The following COLEC10 variants were observed in gnomAD, a reference collection of about 807,000 sequenced individuals.
COLEC10 encodes the protein collectin subfamily member 10.
In COLEC10, 22 loss-of-function variants were observed where a neutral mutation model predicts 28.4. That is an observed-to-expected ratio of 0.78 (90% CI 0.55 to 1.11). The LOEUF (loss-of-function observed/expected upper bound fraction) is 1.11. Among genes scored for constraint, COLEC10 ranks in the 50% least tolerant of loss-of-function variants. The pLI is 0.00. For missense variants in COLEC10, 361 were observed against 344.1 expected, an observed-to-expected ratio of 1.05 and a Z score of -0.39; for synonymous variants, 125 against 116.1, an observed-to-expected ratio of 1.08 and a Z score of -0.49.
In COLEC10 at chr8:119,009,164, C is replaced by T. The variant is rs373978384; in HGVS notation, n.123-277C>T. Among the ~76,000 whole-genome samples, 69 of 150,858 alleles carry T rather than the reference C, an allele frequency of 4.6e-4. 4 individuals are homozygous for T. The highest frequency in any genetic ancestry group is 1.6e-3 in the African/African-American group (64 of 40,288). ...GGAGGAAGAGACCACTGGCCCATAC[C>T]ATTCTATGTATATCACCTCCCCTTA... On this transcript the variant is annotated intron_variant and non_coding_transcript_variant, in intron 1 of 6. Transcript: ENST00000521788.
intron 1 of COLEC10, among the ~76,000 whole-genome samples, chr8:119,002,870 G>C (rs1408804820): frequency 6.6e-6 from 1 of 152,004 alleles, no homozygotes; most frequent in Admixed American, 6.6e-5. Context: ...TCAAATCTTG[G>C]GTTTTTGAAA....
chr8:118,986,813 C>G, the COLEC10 span, among the ~76,000 whole-genome samples: 1 of 152,060 alleles, frequency 6.6e-6, no homozygotes, highest in Admixed American at 6.6e-5. Flanking sequence ...TTGTATGATT[C>G]AATGTACATG....
At chr8:118,982,416 C>T in the COLEC10 span, among the ~76,000 whole-genome samples, 1 of 152,040 alleles carries the variant, frequency 6.6e-6, no homozygotes, top group African/African-American at 2.4e-5. Flanking sequence ...GGTACAAATG[C>T]ACTTGTTCAT....
At chr8:118,999,911 T>G (rs116274902) in intron 1 of COLEC10, among the ~76,000 whole-genome samples, 93,063 of 151,634 alleles carry the variant, frequency 0.61, 29,700 homozygotes, top group African/African-American at 0.8. Flanking sequence ...TTTAAAGAGT[T>G]TTTTTGTAAA....
intron 1 of COLEC10, among the ~76,000 whole-genome samples, chr8:118,999,481 C>T (rs1299694756): frequency 6.6e-6 from 1 of 151,864 alleles, no homozygotes; most frequent in Non-Finnish European, 1.5e-5. Context: ...ATCCCAGCTA[C>T]TCAGGAGGCT....
chr8:119,012,679 C>T (rs1362975291), intron 2 of COLEC10, among the ~76,000 whole-genome samples: 1 of 150,436 alleles, frequency 6.6e-6, no homozygotes, highest in Non-Finnish European at 1.5e-5. Flanking sequence ...TTGTTTATTT[C>T]TTCTTGTGTG....
At chr8:119,049,250 T>C (rs1657642871) in intron 2 of COLEC10, among the ~76,000 whole-genome samples, 1 of 152,122 alleles carries the variant, frequency 6.6e-6, no homozygotes, top group South Asian at 2.1e-4. Flanking sequence ...GATCTTTCTC[T>C]CTAGCTGCCT....
the COLEC10 span, among the ~76,000 whole-genome samples, chr8:118,957,998 C>G: frequency 6.6e-6 from 1 of 152,140 alleles, no homozygotes; most frequent in Non-Finnish European, 1.5e-5. Flanking sequence ...GTCACACTGC[C>G]TGTGCTGAAG....
At chr8:119,090,334 G>T (rs1815564343) in intron 2 of COLEC10, among the ~76,000 whole-genome samples, 5 of 152,144 alleles carry the variant, frequency 3.3e-5, no homozygotes, top group Admixed American at 3.3e-4. Flanking sequence ...TTGGGAGTTG[G>T]CCTCACCAAA....
At chr8:119,082,619 GT>G (rs1815390828) in intron 1 of COLEC10, among the ~76,000 whole-genome samples, 1 of 152,154 alleles carries the variant, frequency 6.6e-6, no homozygotes, top group South Asian at 2.1e-4. Context: ...AGGAAAATCT[GT>G]ACTGAGAGGA....
chr8:119,069,629 A>AAAAAAAAATATAT (rs1554627284), intron 1 of COLEC10, among the ~76,000 whole-genome samples: 1 of 42,872 alleles, frequency 2.3e-5, no homozygotes, highest in Non-Finnish European at 4.4e-5. Context: ...AAAAAAAAAA[A>AAAAAAAAATATAT]ATATATATAT....
the COLEC10 span, among the ~76,000 whole-genome samples, chr8:118,955,038 G>A: frequency 1.3e-5 from 2 of 152,186 alleles, no homozygotes; most frequent in Non-Finnish European, 2.9e-5. Context: ...TTCTGGTTAT[G>A]CAGAGAAAAG....
intron 1 of COLEC10, among the ~76,000 whole-genome samples, chr8:118,998,982 C>T (rs1278814553): frequency 2.0e-5 from 3 of 151,966 alleles, no homozygotes; most frequent in African/African-American, 7.3e-5. Context: ...TCTCCAGGCA[C>T]TGTGCTAAGT....
intron 2 of COLEC10, among the ~76,000 whole-genome samples, chr8:119,054,362 T>C (rs1463379920): frequency 6.6e-6 from 1 of 152,144 alleles, no homozygotes; most frequent in African/African-American, 2.4e-5. Context: ...CTTGTAAATG[T>C]CATTATTTGC....
At chr8:118,974,446 G>A in the COLEC10 span, among the ~76,000 whole-genome samples, 1 of 151,930 alleles carries the variant, frequency 6.6e-6, no homozygotes, top group Non-Finnish European at 1.5e-5. Context: ...AGGAAGAGGT[G>A]TGTTTTCCCT....
chr8:118,980,522 AT>A, the COLEC10 span, among the ~76,000 whole-genome samples: 1 of 151,772 alleles, frequency 6.6e-6, no homozygotes, highest in Non-Finnish European at 1.5e-5. Context: ...CTGTAGTCTT[AT>A]TTTTTTTATA....
chr8:119,045,610 T>C (rs1220552550), intron 2 of COLEC10, among the ~76,000 whole-genome samples: 1 of 152,274 alleles, frequency 6.6e-6, no homozygotes, highest in African/African-American at 2.4e-5. Flanking sequence ...GATTGTATTA[T>C]TCTTTCTGCA....
chr8:119,091,581 G>A (rs996078866), intron 3 of COLEC10, among the ~76,000 whole-genome samples: 2 of 84,776 alleles, frequency 2.4e-5, no homozygotes, highest in African/African-American at 8.6e-5. Flanking sequence ...GAAAGAGAGA[G>A]AGAGAGAGAG....
At chr8:118,974,758 G>A in the COLEC10 span, among the ~76,000 whole-genome samples, 1 of 152,008 alleles carries the variant, frequency 6.6e-6, no homozygotes, top group Non-Finnish European at 1.5e-5. Flanking sequence ...CGAAGAAGTG[G>A]CAGCCATAAT....
Sources: gnomAD v4.1 joint callset for allele counts (sites outside exome capture counted in the v4.1 genomes callset) on GRCh38, gnomAD v4.1.1 for gene constraint, MANE v1.5 for transcripts, NCBI Gene and HGNC (gene_info 2026-07-23, HGNC 2026-07-21) for gene names.